MYH11: variants seen among roughly 807,000 people sequenced by gnomAD.
The protein encoded by MYH11 is myosin-11.
In MYH11, 80 loss-of-function variants were observed where a neutral mutation model predicts 246.6. The observed-to-expected ratio is 0.32, with a 90% CI of 0.27 to 0.39. The LOEUF is 0.39. Ranked by LOEUF, MYH11 falls within the 10% of genes least tolerant of loss-of-function variation. The probability of loss-of-function intolerance (pLI) is 1.00; values close to 1 mark genes in which losing one functional copy is unlikely to be tolerated. For missense variants in MYH11, 2,158 were observed against 2,546.8 expected, an observed-to-expected ratio of 0.85 and a Z score of 3.29; for synonymous variants, 1,071 against 1,015.5, an observed-to-expected ratio of 1.05 and a Z score of -1.04.
At chr16:15,758,344 G>A (rs771604070) in intron 12 of MYH11, among the ~76,000 whole-genome samples, 10 of 152,130 alleles carry the variant, frequency 6.6e-5, no homozygotes, top group Non-Finnish European at 1.3e-4. Flanking sequence ...AAAGTGACTC[G>A]GTAGTACACT....
intron 4 of MYH11, among the ~76,000 whole-genome samples, chr16:15,797,403 C>T (rs1051775874): frequency 3.3e-4 from 50 of 152,050 alleles, no homozygotes; most frequent in Admixed American, 1.0e-3. Flanking sequence ...TTCCACTCAA[C>T]GGTATTATCT....
Position 15,703,214 on chromosome 16 carries a change from TC to T in MYH11, c.*776del, listed in dbSNP as rs1347716092. The T allele has an allele frequency of 4.8e-6, 1 of 208,798 alleles. No individual in the cohort carries two copies. Among genetic ancestry groups the T allele is most frequent in the Non-Finnish European group, 9.8e-6 (1 of 102,556 alleles). 12.9% of individuals were successfully genotyped at this position (208,798 alleles called of 1,614,324 possible). On this transcript the variant is annotated 3_prime_UTR_variant, in exon 41 of 41. Coordinates refer to ENST00000300036, the MANE Select transcript of MYH11 (RefSeq NM_002474.3). ...AAACAGTGCAGCATTCCTGCTCCCC[TC>T]CGTGGGAGCAGCGTCTCCTTTTCAA...
rs550845227 is a variant in MYH11 at position 15,787,899 on chromosome 16, C to A, written c.531-1167G>T. Among the ~76,000 whole-genome samples, 4 of 152,060 alleles carry A rather than the reference C, an allele frequency of 2.6e-5. No individual in the cohort carries two copies. The Middle Eastern group carries it at 0.01, about 388-fold the overall frequency. ...ACTGGGCAGATGCAAGCCCCTTTAT[C>A]CTCTGAGGAATCCCACCCCATGTAT... is the stretch of plus-strand genomic sequence containing the variant. On this transcript the variant is annotated intron_variant, in intron 4 of 40. Coordinates refer to ENST00000300036, the MANE Select transcript of MYH11 (RefSeq NM_002474.3).
At chr16:15,745,389 G>A (rs540798623) in intron 19 of MYH11, 152 bp from the exon 20 acceptor site, 1 of 615,584 alleles carries the variant, frequency 1.6e-6, no homozygotes. Flanking sequence ...CACATGTGTT[G>A]TCTGGCTGCA....
rs558625464 is a variant in MYH11, at chr16:15,724,537, G to A, written c.4116+110C>T. On this transcript the variant is annotated intron_variant, in intron 30 of 40. Coordinates refer to ENST00000300036, the MANE Select transcript of MYH11 (RefSeq NM_002474.3). ...AGAAACCCAATAGCAGGGGAAGCTGGGGGGTCAAGCACCATCGCACCAACA... is the reference window on the plus strand; with the variant it reads ...AGAAACCCAATAGCAGGGGAAGCTGAGGGGTCAAGCACCATCGCACCAACA... The A allele has an allele frequency of 3.8e-3, 6,120 of 1,606,582 alleles. 12 individuals are homozygous for A. The highest frequency in any genetic ancestry group is 4.6e-3 in the Non-Finnish European group (5,451 of 1,176,094).
At chr16:15,838,710 A>G (rs2043971754) in intron 1 of MYH11, among the ~76,000 whole-genome samples, 1 of 151,918 alleles carries the variant, frequency 6.6e-6, no homozygotes, top group African/African-American at 2.4e-5. Flanking sequence ...AAATACAAAA[A>G]TTAGCCAGGT....
intron 2 of MYH11, among the ~76,000 whole-genome samples, chr16:15,834,911 G>GTTTTTT: frequency 7.6e-6 from 1 of 132,038 alleles, no homozygotes; most frequent in African/African-American, 2.9e-5. Flanking sequence ...CTCTACAGAA[G>GTTTTTT]TTTTTTTTTT....
intron 3 of MYH11, among the ~76,000 whole-genome samples, chr16:15,798,979 C>T (rs1217598556): frequency 3.9e-5 from 6 of 152,182 alleles, no homozygotes; most frequent in African/African-American, 1.2e-4. Flanking sequence ...GGGAGGCCCA[C>T]CCCACCCAGA....
At chr16:15,731,784 C>T (rs112581224) in intron 27 of MYH11, among the ~76,000 whole-genome samples, 1,629 of 151,774 alleles carry the variant, frequency 0.011, 29 homozygotes, top group African/African-American at 0.037. Flanking sequence ...GGTGAGCCAC[C>T]GTGCCCAGCC....
rs146922697 is a variant in MYH11 at position 15,849,096 on chromosome 16, C to T, written c.-18+7845G>A. The stretch of plus-strand genomic sequence containing the variant: ...GTTTTTGGTTGGGGGAAGGGTCTCA[C>T]TATATGCCCAGGGTGGAGTGCAGTG... On this transcript the variant is annotated intron_variant, in intron 1 of 40. Coordinates refer to ENST00000300036, the MANE Select transcript of MYH11 (RefSeq NM_002474.3). Among the ~76,000 whole-genome samples the T allele has an allele frequency of 3.5e-3, 528 of 152,300 alleles. 3 individuals carry two copies. The highest frequency in any genetic ancestry group is 6.8e-3 in the South Asian group (33 of 4,830).
chr16:15,771,020 A>G (rs1389781963), intron 9 of MYH11, among the ~76,000 whole-genome samples: 1 of 149,826 alleles, frequency 6.7e-6, no homozygotes, highest in Non-Finnish European at 1.5e-5. Flanking sequence ...TTTGAGATGG[A>G]GTCTAGCTCC....
At chr16:15,773,316 G>A (rs2042149463) in intron 8 of MYH11, among the ~76,000 whole-genome samples, 1 of 145,008 alleles carries the variant, frequency 6.9e-6, no homozygotes, top group Admixed American at 6.9e-5. Context: ...TTGAGAGGGA[G>A]TTTCACCTTT....
intron 40 of MYH11, among the ~76,000 whole-genome samples, chr16:15,711,500 G>C (rs1458378785): frequency 3.3e-5 from 5 of 152,080 alleles, no homozygotes; most frequent in African/African-American, 1.2e-4. Flanking sequence ...GGTGATGCTG[G>C]TTTAAAAATA....
chr16:15,834,156 C>T (rs577951747), intron 2 of MYH11, among the ~76,000 whole-genome samples: 9 of 152,020 alleles, frequency 5.9e-5, no homozygotes, highest in Non-Finnish European at 7.4e-5. Flanking sequence ...GGTGATGATA[C>T]GTCTTAGATG....
rs570477148 is a variant in MYH11, at chr16:15,785,877, G to C, written c.633+753C>G. 1.9e-5 allele frequency: 3 copies of C among 157,298 alleles called. 1 individual carries two copies. The highest frequency in any genetic ancestry group is 3.8e-4 in the South Asian group (2 of 5,216). 9.7% of individuals were successfully genotyped at this position (157,298 alleles called of 1,614,324 possible). A position where few individuals can be genotyped will look rare whatever the true frequency, so the allele number is the denominator to read the frequency against. On this transcript the variant is annotated intron_variant, in intron 5 of 40. Coordinates refer to ENST00000300036, the MANE Select transcript of MYH11 (RefSeq NM_002474.3). ...CATCTGTTTATTTGAGGGATTCTTT[G>C]ACAACTACATGCTCTTCCACAGGTC...
At chr16:15,716,999 A>G in intron 38 of MYH11, 141 bp downstream of exon 38, 1 of 962,348 alleles carries the variant, frequency 1.0e-6, no homozygotes, top group South Asian at 1.3e-5. Context: ...CAGTTCTCAC[A>G]ACATACCTGC....
rs749498320 is a variant in MYH11, at chr16:15,750,181, G to A, written c.2015C>T (p.Thr672Met). The A allele has an allele frequency of 1.7e-5, 27 of 1,614,128 alleles. No individual in the cohort carries two copies. Among genetic ancestry groups the A allele is most frequent in the Middle Eastern group, 3.3e-4 (2 of 6,084 alleles). The change falls in exon 16 of 41, where the codon ACG becomes ATG. Residue 672 changes from threonine (T) to methionine (M), a missense_variant. Thr to Met is a moderately conservative substitution (Grantham distance 81). Around this residue, in one of 11 missense-constraint regions of MYH11, gnomAD observed 317 missense variants for 507.7 expected, o/e 0.62. Transcript: ENST00000300036. The surrounding 1 kb of genome is among the most constrained non-coding windows in gnomAD (Gnocchi z 4.3). The part of the protein sequence containing the change: ...GKLMTTLRNT[T>M]PNFVRCIIPN... Reference sequence around the variant, plus strand: ...GATGATGCAGCGCACGAAGTTGGGCGTGGTGTTGCGTAGCGTGGTCATCAG... The same window carrying A: ...GATGATGCAGCGCACGAAGTTGGGCATGGTGTTGCGTAGCGTGGTCATCAG...
chr16:15,748,777 G>A (rs2151261835), intron 16 of MYH11, among the ~76,000 whole-genome samples: 1 of 152,040 alleles, frequency 6.6e-6, no homozygotes, highest in East Asian at 1.9e-4. Context: ...TACCATGCCT[G>A]GAAAATTTTT....
intron 40 of MYH11, among the ~76,000 whole-genome samples, chr16:15,710,767 C>T (rs2039740962): frequency 6.6e-6 from 1 of 151,922 alleles, no homozygotes; most frequent in Admixed American, 6.6e-5. Flanking sequence ...GGCTCCTCCT[C>T]CTGGGTTGCA....
Sources: allele counts gnomAD v4.1 joint callset (sites outside exome capture counted in the v4.1 genomes callset), GRCh38; gene constraint gnomAD v4.1.1; regional missense constraint gnomAD v4.1.1; non-coding constraint Gnocchi (gnomAD v3.1); transcripts MANE v1.5; gene names NCBI Gene and HGNC (gene_info 2026-07-23, HGNC 2026-07-21).